The following LMNTD1 variants were observed in gnomAD, a reference collection of about 807,000 sequenced individuals.
The protein encoded by LMNTD1 is lamin tail domain-containing protein 1.
LMNTD1 carries 35 observed loss-of-function variants against 50.9 expected under a neutral mutation model. The observed-to-expected ratio is 0.69, with a 90% CI of 0.53 to 0.91. The LOEUF is 0.91. LMNTD1 is among the 40% of genes least tolerant of loss of function. The pLI is 0.00. For synonymous variants in LMNTD1, 153 were observed against 161.9 expected, an observed-to-expected ratio of 0.94 and a Z score of 0.42; for missense variants, 470 against 475.5, an observed-to-expected ratio of 0.99 and a Z score of 0.11.
chr12:25,568,059 A>G (rs1241475452), intron 1 of LMNTD1, among the ~76,000 whole-genome samples: 1 of 152,190 alleles, frequency 6.6e-6, no homozygotes, highest in Non-Finnish European at 1.5e-5. Flanking sequence ...GACCACTTAA[A>G]TGGTTGTGAC....
intron 1 of LMNTD1, among the ~76,000 whole-genome samples, chr12:25,647,340 C>T (rs1198447053): frequency 6.6e-6 from 1 of 152,024 alleles, no homozygotes; most frequent in African/African-American, 2.4e-5. Context: ...AAAAAATTGG[C>T]TGGGCATGGT....
intron 1 of LMNTD1, among the ~76,000 whole-genome samples, chr12:25,636,644 AG>A (rs1946841626): frequency 6.6e-6 from 1 of 152,160 alleles, no homozygotes; most frequent in Admixed American, 6.6e-5. Flanking sequence ...ATCTGCCCAG[AG>A]AAAAAGAAGA....
chr12:25,477,976 G>A (rs1197615932), intron 9 of LMNTD1, among the ~76,000 whole-genome samples: 1 of 152,100 alleles, frequency 6.6e-6, no homozygotes. Flanking sequence ...ATCCAGCGCA[G>A]GATAAAGATG....
chr12:25,626,339 TATAC>T (rs1239036497), intron 1 of LMNTD1, among the ~76,000 whole-genome samples: 1 of 149,826 alleles, frequency 6.7e-6, no homozygotes. Flanking sequence ...TGTATATATA[TATAC>T]ACACACACAC....
chr12:25,521,855 A>G (rs1338934397), intron 6 of LMNTD1, among the ~76,000 whole-genome samples: 1 of 152,180 alleles, frequency 6.6e-6, no homozygotes, highest in Non-Finnish European at 1.5e-5. Context: ...ACCCATAAGC[A>G]CTGAAGCTGG....
intron 1 of LMNTD1, among the ~76,000 whole-genome samples, chr12:25,612,597 C>T (rs1592104299): frequency 6.6e-6 from 1 of 152,014 alleles, no homozygotes; most frequent in East Asian, 1.9e-4. Context: ...GTTGTATGCC[C>T]AGTATCTAGC....
intron 1 of LMNTD1, among the ~76,000 whole-genome samples, chr12:25,591,790 C>T (rs1390810802): frequency 7.0e-6 from 1 of 142,956 alleles, no homozygotes; most frequent in Non-Finnish European, 1.5e-5. Flanking sequence ...CACACAACCT[C>T]CAGCTCCTAA....
At chr12:25,570,020 A>G (rs1346925385) in intron 1 of LMNTD1, among the ~76,000 whole-genome samples, 3 of 152,226 alleles carry the variant, frequency 2.0e-5, no homozygotes, top group Non-Finnish European at 4.4e-5. Context: ...TAATTGTCCA[A>G]AGCCACACAG....
intron 8 of LMNTD1, among the ~76,000 whole-genome samples, chr12:25,504,988 T>C (rs1447904836): frequency 6.6e-6 from 1 of 152,258 alleles, no homozygotes; most frequent in Admixed American, 6.5e-5. Context: ...ATTTTATGTA[T>C]GTCCTTCCAG....
At chr12:25,642,085 A>T (rs1946968569) in intron 1 of LMNTD1, among the ~76,000 whole-genome samples, 1 of 152,102 alleles carries the variant, frequency 6.6e-6, no homozygotes, top group South Asian at 2.1e-4. Flanking sequence ...CATTTCCCCA[A>T]AGTTAGTGGA....
At chr12:25,559,323 G>C (rs1944182688) in intron 1 of LMNTD1, among the ~76,000 whole-genome samples, 1 of 151,978 alleles carries the variant, frequency 6.6e-6, no homozygotes, top group African/African-American at 2.4e-5. Context: ...GCAATACTTT[G>C]CTCAGAATGA....
intron 1 of LMNTD1, among the ~76,000 whole-genome samples, chr12:25,581,041 A>G (rs78509348): frequency 0.033 from 5,072 of 152,272 alleles, 295 homozygotes; most frequent in African/African-American, 0.12. Flanking sequence ...GAAGATTTCT[A>G]TTCTGAACAG....
chr12:25,615,154 G>A (rs1166215455), intron 1 of LMNTD1, among the ~76,000 whole-genome samples: 1 of 152,158 alleles, frequency 6.6e-6, no homozygotes, highest in Non-Finnish European at 1.5e-5. Context: ...AGAAATTTAG[G>A]TAGCAGAACA....
At chr12:25,534,574 C>T (rs1678557) in intron 4 of LMNTD1, among the ~76,000 whole-genome samples, 112,243 of 152,012 alleles carry the variant, frequency 0.74, 43,060 homozygotes, top group East Asian at 0.9. Flanking sequence ...GCAAAAAGAG[C>T]GCTGGCGATT....
intron 1 of LMNTD1, among the ~76,000 whole-genome samples, chr12:25,609,792 G>A (rs867393438): frequency 2.6e-5 from 4 of 152,192 alleles, no homozygotes; most frequent in Admixed American, 6.5e-5. Flanking sequence ...TAGGCTACAC[G>A]GGGGTCAGGG....
intron 1 of LMNTD1, among the ~76,000 whole-genome samples, chr12:25,590,824 G>A (rs113482725): frequency 1.6e-3 from 248 of 152,280 alleles, no homozygotes; most frequent in African/African-American, 5.8e-3. Flanking sequence ...GACCCTGGAC[G>A]AGAAGGGAAT....
At chr12:25,592,642 GA>G (rs1368569315) in intron 1 of LMNTD1, 8 of 152,590 alleles carry the variant, frequency 5.2e-5, no homozygotes, top group African/African-American at 1.4e-4. Context: ...AGAGGCACTG[GA>G]AAAAGGCCAC....
chr12:25,613,579 A>G (rs563014157), intron 1 of LMNTD1, among the ~76,000 whole-genome samples: 72 of 152,328 alleles, frequency 4.7e-4, no homozygotes, highest in African/African-American at 1.7e-3. Flanking sequence ...CAAAATGTAA[A>G]TGAGCCTCAT....
chr12:25,557,536 T>C (rs1213576277), upstream of LMNTD1, among the ~76,000 whole-genome samples: 5 of 152,236 alleles, frequency 3.3e-5, no homozygotes, highest in African/African-American at 9.6e-5. Context: ...AAATCTTTTC[T>C]ATTCATACTC....
Sources: gnomAD v4.1 joint callset for allele counts (sites outside exome capture counted in the v4.1 genomes callset) on GRCh38, gnomAD v4.1.1 for gene constraint, MANE v1.5 for transcripts, NCBI Gene and HGNC (gene_info 2026-07-23, HGNC 2026-07-21) for gene names.